HIVEP3: variants seen among roughly 807,000 people sequenced by gnomAD.
HIVEP3 encodes the protein HIVEP zinc finger 3.
In HIVEP3, 49 loss-of-function variants were observed where a neutral mutation model predicts 152.8. That is an observed-to-expected ratio of 0.32 (90% CI 0.26 to 0.41). The LOEUF (loss-of-function observed/expected upper bound fraction) is 0.41. HIVEP3 is among the 10% of genes least tolerant of loss of function. The probability of loss-of-function intolerance (pLI) is 1.00; values close to 1 mark genes in which losing one functional copy is unlikely to be tolerated. For missense variants in HIVEP3, 2,790 were observed against 3,103.3 expected (o/e 0.90, Z 2.40); for synonymous variants, 1,269 against 1,289.0 (o/e 0.98, Z 0.33).
chr1:41,581,456 A>C lies in HIVEP3; in HGVS notation c.3342T>G (p.Thr1114=). Residue 1114 remains threonine (T), a synonymous_variant, in exon 4 of 9, where the codon ACT becomes ACG. Coordinates refer to ENST00000372583, the MANE Select transcript of HIVEP3 (RefSeq NM_024503.5). The surrounding 1 kb of genome is among the most constrained non-coding windows in gnomAD (Gnocchi z 4.5). The part of the protein sequence containing the change: ...PGQDRPPLGP[T]VPYTEALQVF... ...CTTGCAGTGCTTCTGTGTAGGGCAC[A>C]GTGGGCCCCAATGGGGGCCTGTCCT... is the stretch of plus-strand genomic sequence containing the variant. 1 of 1,577,760 alleles carries C rather than the reference A, an allele frequency of 6.3e-7. No individual in the cohort carries two copies. The highest frequency in any genetic ancestry group is 8.6e-7 in the Non-Finnish European group (1 of 1,162,898).
intron 1 of HIVEP3, among the ~76,000 whole-genome samples, chr1:41,862,866 A>T (rs1204590454): frequency 6.6e-6 from 1 of 152,244 alleles, no homozygotes; most frequent in Non-Finnish European, 1.5e-5. Context: ...CTCACTTGGC[A>T]GATATAGACG....
At chr1:41,650,542 GT>G (rs1645532182) in intron 2 of HIVEP3, among the ~76,000 whole-genome samples, 2 of 142,646 alleles carry the variant, frequency 1.4e-5, no homozygotes, top group Admixed American at 7.2e-5. Context: ...ATTTTCTTGG[GT>G]TTTCTTTTTT....
chr1:41,606,154 T>C (rs1644820056), intron 3 of HIVEP3, among the ~76,000 whole-genome samples: 1 of 151,260 alleles, frequency 6.6e-6, no homozygotes, highest in Non-Finnish European at 1.5e-5. Context: ...TCAACCTCTC[T>C]CTCCCAATTT....
At position 41,509,753 on chromosome 1, in the gene HIVEP3, C is replaced by A. The variant is rs1359516433; in HGVS notation, c.*698G>T. 1.3e-5 allele frequency: 2 copies of A among 150,698 alleles called. No individual in the cohort carries two copies. The highest frequency in any genetic ancestry group is 6.6e-5 in the Admixed American group (1 of 15,114). The allele number at this position is 150,698 out of a possible 1,614,324, so 9.3% of individuals were successfully genotyped here. On this transcript the variant is annotated 3_prime_UTR_variant, in exon 9 of 9. Coordinates refer to ENST00000372583, the MANE Select transcript of HIVEP3 (RefSeq NM_024503.5). ...ATCCAGGAGCCCTTGGGGAGCCAGC[C>A]CTCCTCCTTCTACCTGCACCTATTA... is the stretch of plus-strand genomic sequence containing the variant.
At chr1:41,823,640 C>T (rs2124345320) in intron 1 of HIVEP3, among the ~76,000 whole-genome samples, 1 of 152,294 alleles carries the variant, frequency 6.6e-6, no homozygotes, top group Admixed American at 6.5e-5. Flanking sequence ...ATAAGCGATC[C>T]CAGAGTGGTG....
chr1:41,635,242 T>C (rs370394007), intron 2 of HIVEP3, among the ~76,000 whole-genome samples: 2 of 152,168 alleles, frequency 1.3e-5, no homozygotes, highest in African/African-American at 4.8e-5. Flanking sequence ...AGGATAATTA[T>C]AAATGTACAA....
chr1:41,774,575 T>A (rs1265469269), intron 1 of HIVEP3, among the ~76,000 whole-genome samples: 1 of 152,114 alleles, frequency 6.6e-6, no homozygotes, highest in Admixed American at 6.5e-5. Flanking sequence ...GGGCCATACA[T>A]ATTATGGAAC....
chr1:41,983,135 A>T (rs1404322443), intron 1 of HIVEP3, among the ~76,000 whole-genome samples: 2 of 152,230 alleles, frequency 1.3e-5, no homozygotes, highest in Non-Finnish European at 2.9e-5. Context: ...GGAGCTCAGG[A>T]GGTAATGCTC....
chr1:41,663,577 C>T (rs1199052788), intron 2 of HIVEP3, among the ~76,000 whole-genome samples: 2 of 152,194 alleles, frequency 1.3e-5, no homozygotes, highest in African/African-American at 4.8e-5. Context: ...ATACAACAGC[C>T]TCTGATAGAG....
chr1:41,796,878 G>C (rs1366353577), intron 1 of HIVEP3, among the ~76,000 whole-genome samples: 1 of 152,192 alleles, frequency 6.6e-6, no homozygotes, highest in Non-Finnish European at 1.5e-5. Flanking sequence ...ACCCATGCAA[G>C]CTTCAAGTTC....
chr1:41,553,596 G>A (rs188059381), intron 5 of HIVEP3, among the ~76,000 whole-genome samples: 30 of 152,262 alleles, frequency 2.0e-4, no homozygotes, highest in African/African-American at 4.8e-4. Context: ...TCCTAGCATC[G>A]ATGGTCTTTA....
At chr1:41,822,849 C>A (rs1393006758) in intron 1 of HIVEP3, among the ~76,000 whole-genome samples, 3 of 152,170 alleles carry the variant, frequency 2.0e-5, no homozygotes, top group Non-Finnish European at 4.4e-5. Flanking sequence ...CGGCAGGGAC[C>A]CATCCTTAGT....
chr1:41,527,784 A>C (rs1170095619), intron 5 of HIVEP3, among the ~76,000 whole-genome samples: 1 of 131,900 alleles, frequency 7.6e-6, no homozygotes, highest in Non-Finnish European at 1.6e-5. Context: ...CTGCACTCAC[A>C]CTCGTTCTCA....
chr1:41,898,116 A>G (rs1274427678), intron 1 of HIVEP3, among the ~76,000 whole-genome samples: 1 of 152,228 alleles, frequency 6.6e-6, no homozygotes, highest in Non-Finnish European at 1.5e-5. Flanking sequence ...TTAACCTCCC[A>G]GCATCCTGGG....
At chr1:41,714,947 G>A (rs778108134) in intron 1 of HIVEP3, among the ~76,000 whole-genome samples, 3 of 152,004 alleles carry the variant, frequency 2.0e-5, no homozygotes, top group Admixed American at 6.5e-5. Flanking sequence ...CACTCCCTCC[G>A]GCACCATCTG....
intron 5 of HIVEP3, among the ~76,000 whole-genome samples, chr1:41,536,567 G>A (rs771599660): frequency 3.3e-5 from 5 of 152,106 alleles, no homozygotes; most frequent in Admixed American, 2.6e-4. Flanking sequence ...AGGAGGGGAC[G>A]CGGTGGGGAC....
chr1:41,633,287 A>G (rs2149152123), intron 2 of HIVEP3, among the ~76,000 whole-genome samples: 1 of 152,296 alleles, frequency 6.6e-6, no homozygotes, highest in South Asian at 2.1e-4. Flanking sequence ...AGTCCGAGGG[A>G]AAACAGACGA....
chr1:41,680,969 C>T (rs558832919), intron 2 of HIVEP3, among the ~76,000 whole-genome samples: 2 of 152,286 alleles, frequency 1.3e-5, no homozygotes, highest in South Asian at 4.1e-4. Flanking sequence ...TTTATTTAAG[C>T]CTCACAATAA....
At chr1:41,767,694 C>T (rs1648102085) in intron 1 of HIVEP3, among the ~76,000 whole-genome samples, 1 of 152,222 alleles carries the variant, frequency 6.6e-6, no homozygotes, top group Non-Finnish European at 1.5e-5. Flanking sequence ...ACCTGCTTCT[C>T]CCTCACTCAG....
Sources: allele counts gnomAD v4.1 joint callset (sites outside exome capture counted in the v4.1 genomes callset), GRCh38; gene constraint gnomAD v4.1.1; non-coding constraint Gnocchi (gnomAD v3.1); transcripts MANE v1.5; gene names NCBI Gene and HGNC (gene_info 2026-07-23, HGNC 2026-07-21).